KCNIP4: variants seen among roughly 807,000 people sequenced by gnomAD.
KCNIP4 encodes potassium voltage-gated channel interacting protein 4, also known as Kv channel-interacting protein 4.
Under a neutral mutation model 34.0 loss-of-function variants are expected in KCNIP4, and 12 were observed. That is an observed-to-expected ratio of 0.35 (90% CI 0.23 to 0.57). The LOEUF (loss-of-function observed/expected upper bound fraction) is 0.57, where lower values mean the gene tolerates loss of function less well. KCNIP4 is among the 20% of genes least tolerant of loss of function. The pLI is 0.83. For missense variants in KCNIP4, 238 were observed against 311.7 expected, an observed-to-expected ratio of 0.76 and a Z score of 1.78; for synonymous variants, 124 against 102.2, an observed-to-expected ratio of 1.21 and a Z score of -1.29.
intron 3 of KCNIP4, among the ~76,000 whole-genome samples, chr4:20,792,988 G>A (rs1194377846): frequency 6.6e-6 from 1 of 152,056 alleles, no homozygotes; most frequent in Non-Finnish European, 1.5e-5. Flanking sequence ...ACTAGTAGAA[G>A]TATCTCATAG....
chr4:20,741,290 A>T (rs372539609), intron 5 of KCNIP4, among the ~76,000 whole-genome samples: 1 of 152,012 alleles, frequency 6.6e-6, no homozygotes. Flanking sequence ...ACTACGTCAC[A>T]CTTATTCCAA....
At chr4:21,037,452 C>T (rs770935205) in intron 1 of KCNIP4, among the ~76,000 whole-genome samples, 5 of 152,174 alleles carry the variant, frequency 3.3e-5, no homozygotes, top group Admixed American at 2.6e-4. Context: ...CACTGTGTTA[C>T]AATTGCCTGC....
chr4:21,542,836 G>T (rs1737821558), intron 1 of KCNIP4, among the ~76,000 whole-genome samples: 1 of 151,372 alleles, frequency 6.6e-6, no homozygotes. Context: ...AATAAATAAT[G>T]AATCAAATAA....
chr4:21,872,158 G>T (rs1416629437), intron 1 of KCNIP4, among the ~76,000 whole-genome samples: 2 of 152,004 alleles, frequency 1.3e-5, no homozygotes, highest in African/African-American at 4.8e-5. Flanking sequence ...GAGCCAGAAG[G>T]ACCCAGCTGA....
intron 1 of KCNIP4, among the ~76,000 whole-genome samples, chr4:20,934,668 G>A (rs1730858674): frequency 6.6e-6 from 1 of 152,092 alleles, no homozygotes; most frequent in African/African-American, 2.4e-5. Flanking sequence ...TATCATCATG[G>A]AGCTTAAGTT....
chr4:21,154,305 G>T (rs1428994911), intron 1 of KCNIP4, among the ~76,000 whole-genome samples: 1 of 152,074 alleles, frequency 6.6e-6, no homozygotes, highest in Non-Finnish European at 1.5e-5. Context: ...ACACAAATAT[G>T]TATAACTATT....
intron 1 of KCNIP4, among the ~76,000 whole-genome samples, chr4:21,909,882 A>C (rs1333230605): frequency 6.6e-6 from 1 of 152,068 alleles, no homozygotes; most frequent in Non-Finnish European, 1.5e-5. Flanking sequence ...AGACTTATTC[A>C]CTACCACAAG....
At chr4:21,204,793 C>G (rs1357357301) in intron 1 of KCNIP4, among the ~76,000 whole-genome samples, 1 of 152,134 alleles carries the variant, frequency 6.6e-6, no homozygotes, top group Non-Finnish European at 1.5e-5. Context: ...TCATTTAATT[C>G]ATGTGTTCAA....
At chr4:21,153,337 A>G (rs1226572689) in intron 1 of KCNIP4, among the ~76,000 whole-genome samples, 1 of 151,988 alleles carries the variant, frequency 6.6e-6, no homozygotes, top group Non-Finnish European at 1.5e-5. Flanking sequence ...AGATGACAAA[A>G]ATTGTATTTT....
intron 3 of KCNIP4, among the ~76,000 whole-genome samples, chr4:20,800,520 C>T (rs558937161): frequency 9.2e-5 from 14 of 151,908 alleles, no homozygotes; most frequent in African/African-American, 2.4e-4. Context: ...TACACATAGG[C>T]GATTCAATGA....
intron 1 of KCNIP4, among the ~76,000 whole-genome samples, chr4:21,705,176 G>T (rs778763956): frequency 2.0e-5 from 3 of 152,088 alleles, no homozygotes; most frequent in Non-Finnish European, 4.4e-5. Flanking sequence ...TATAAAAGTG[G>T]AGAACAGATT....
intron 1 of KCNIP4, among the ~76,000 whole-genome samples, chr4:21,112,332 A>G (rs1040056938): frequency 1.3e-5 from 2 of 152,164 alleles, no homozygotes; most frequent in African/African-American, 4.8e-5. Flanking sequence ...GATAATACCA[A>G]GCAATCATCA....
chr4:21,262,950 G>A (rs1761567510), intron 1 of KCNIP4, among the ~76,000 whole-genome samples: 2 of 152,170 alleles, frequency 1.3e-5, no homozygotes, highest in Admixed American at 1.3e-4. Context: ...CATAGTAGTT[G>A]CCTAACTAAT....
intron 1 of KCNIP4, among the ~76,000 whole-genome samples, chr4:20,896,636 A>G (rs1366353109): frequency 6.6e-6 from 1 of 152,158 alleles, no homozygotes; most frequent in Non-Finnish European, 1.5e-5. Flanking sequence ...TCTCCTTCAG[A>G]GCCTCCAGAA....
intron 1 of KCNIP4, among the ~76,000 whole-genome samples, chr4:21,100,609 C>T (rs888391880): frequency 6.6e-6 from 1 of 152,046 alleles, no homozygotes; most frequent in Non-Finnish European, 1.5e-5. Context: ...CAGCAACCAT[C>T]CCTGATCAGC....
chr4:21,636,155 G>A (rs1230614213), intron 1 of KCNIP4, among the ~76,000 whole-genome samples: 2 of 116,626 alleles, frequency 1.7e-5, no homozygotes, highest in Non-Finnish European at 3.4e-5. Flanking sequence ...GGGGGGAGGG[G>A]GGAGGGATAG....
chr4:20,937,494 A>G (rs1320710025), intron 1 of KCNIP4, among the ~76,000 whole-genome samples: 3 of 151,808 alleles, frequency 2.0e-5, no homozygotes, highest in Middle Eastern at 3.4e-3. Flanking sequence ...TCGGCCTCCT[A>G]AAGGGCTGGG....
intron 1 of KCNIP4, among the ~76,000 whole-genome samples, chr4:21,211,024 G>A (rs1757184012): frequency 1.3e-5 from 2 of 152,106 alleles, no homozygotes; most frequent in Non-Finnish European, 2.9e-5. Flanking sequence ...TTTAGCTCTA[G>A]GTTTAGAATC....
At chr4:21,064,928 A>C (rs1744221120) in intron 1 of KCNIP4, among the ~76,000 whole-genome samples, 1 of 152,216 alleles carries the variant, frequency 6.6e-6, no homozygotes, top group African/African-American at 2.4e-5. Flanking sequence ...TCAGCTTCTT[A>C]CTTTGGAATG....
Sources: gnomAD v4.1 joint callset for allele counts (sites outside exome capture counted in the v4.1 genomes callset) on GRCh38, gnomAD v4.1.1 for gene constraint, MANE v1.5 for transcripts, NCBI Gene and HGNC (gene_info 2026-07-23, HGNC 2026-07-21) for gene names.